The following GPR26 variants were observed in gnomAD, a reference collection of about 807,000 sequenced individuals.
GPR26 encodes the protein G protein-coupled receptor 26.
A neutral mutation model predicts 23.1 loss-of-function variants in GPR26; 15 were observed. That is an observed-to-expected ratio of 0.65 (90% CI 0.43 to 1.00). GPR26 has a LOEUF of 1.00. Among genes scored for constraint, GPR26 ranks in the 50% least tolerant of loss-of-function variants. The pLI is 0.00. For synonymous variants in GPR26, 228 were observed against 222.1 expected (o/e 1.03, Z -0.24); for missense variants, 359 against 470.5 (o/e 0.76, Z 2.19).
chr10:123,666,812 C>T lies in GPR26; in HGVS notation c.405C>T (p.Leu135=), dbSNP rs1845189938. 1.7e-5 allele frequency: 27 copies of T among 1,608,412 alleles called. No individual in the cohort carries two copies. The highest frequency in any genetic ancestry group is 2.2e-5 in the Non-Finnish European group (26 of 1,178,158). The stretch of plus-strand genomic sequence containing the variant: ...TGGCCTACACGTGGCTGCACGCGCT[C>T]ACCTTCCCAGCCGCCGCGCTCGCCC... ...LMVAYTWLHA[L]TFPAAALALS... The change falls in exon 1 of 3, where the codon CTC becomes CTT. Residue 135 remains leucine (L), a synonymous_variant. Coordinates refer to ENST00000284674, the MANE Select transcript of GPR26 (RefSeq NM_153442.4).
In GPR26 at chr10:123,677,741, G is replaced by A. The variant is rs575116738; in HGVS notation, c.782+2810G>A. ...CTCACAGCTGGGGCTTCACGGACAA[G>A]CCTTGTGAAGTGGGCCTGGCTGTTC... is the stretch of plus-strand genomic sequence containing the variant. On this transcript the variant is annotated intron_variant, in intron 2 of 2. Coordinates refer to ENST00000284674, the MANE Select transcript of GPR26 (RefSeq NM_153442.4). 2.6e-5 allele frequency among the ~76,000 whole-genome samples: 4 copies of A among 152,336 alleles called. No individual in the cohort carries two copies. The South Asian group carries it at 8.3e-4, about 32-fold the overall frequency.
At chr10:123,670,555 G>A (rs538755851) in intron 1 of GPR26, among the ~76,000 whole-genome samples, 3 of 152,294 alleles carry the variant, frequency 2.0e-5, no homozygotes, top group African/African-American at 7.2e-5. Flanking sequence ...GGCTGGGTTC[G>A]CATTTAGAAT....
chr10:123,666,701 C>A lies in GPR26; in HGVS notation c.294C>A (p.Ala98=), dbSNP rs755322995. ...CTGCCAACTCCATGCTCAGCATGGC[C>A]GCGCTCAGCATCGACCGCTGGGTGG... ...FLAANSMLSM[A]ALSIDRWVAV... The change falls in exon 1 of 3, where the codon GCC becomes GCA. Residue 98 remains alanine (A), a synonymous_variant. Coordinates refer to ENST00000284674, the MANE Select transcript of GPR26 (RefSeq NM_153442.4). 6.3e-7 allele frequency: 1 copy of A among 1,599,444 alleles called. No individual in the cohort carries two copies. Among genetic ancestry groups the A allele is most frequent in the Admixed American group, 1.7e-5 (1 of 59,784 alleles).
chr10:123,670,897 G>C (rs957897946), intron 1 of GPR26, among the ~76,000 whole-genome samples: 1 of 152,200 alleles, frequency 6.6e-6, no homozygotes, highest in African/African-American at 2.4e-5. Flanking sequence ...CGGGGCTGTA[G>C]GTAGGCACAT....
rs911735646 is a variant in GPR26 at position 123,697,212 on chromosome 10, T to A, written c.*9052T>A. ...TCTGTGTAATCCACTTGCCAACAGCTGTTTTCTGTTGAAATGGGACTCAAG... is the reference window on the plus strand; with the variant it reads ...TCTGTGTAATCCACTTGCCAACAGCAGTTTTCTGTTGAAATGGGACTCAAG... On this transcript the variant is annotated 3_prime_UTR_variant, in exon 3 of 3. Transcript: ENST00000284674. 6.6e-6 allele frequency among the ~76,000 whole-genome samples: 1 copy of A among 152,228 alleles called. No homozygotes were observed. The highest frequency in any genetic ancestry group is 2.4e-5 in the African/African-American group (1 of 41,462).
chr10:123,667,561 C>CTGTGTGTGTGTGTGTGTG (rs71026066), intron 1 of GPR26, among the ~76,000 whole-genome samples: 1 of 124,998 alleles, frequency 8.0e-6, no homozygotes. Flanking sequence ...TGTCTCACGA[C>CTGTGTGTGTGTGTGTGTG]TGTGTGTGTG....
chr10:123,667,325 T>A (rs1428659790), intron 1 of GPR26, among the ~76,000 whole-genome samples: 2 of 152,104 alleles, frequency 1.3e-5, no homozygotes, highest in African/African-American at 4.8e-5. Flanking sequence ...TCACAGACAG[T>A]CAGAACTCTG....
rs954678881 is a variant in GPR26, at chr10:123,689,458, C to T, written c.*1298C>T. The T allele has an allele frequency of 1.3e-5, 2 of 152,196 alleles. No homozygotes were observed. The highest frequency in any genetic ancestry group is 4.8e-5 in the African/African-American group (2 of 41,438). The allele number at this position is 152,196 out of a possible 1,614,324, so 9.4% of individuals were successfully genotyped here. A position where few individuals can be genotyped will look rare whatever the true frequency, so the allele number is the denominator to read the frequency against. On this transcript the variant is annotated 3_prime_UTR_variant, in exon 3 of 3. Coordinates refer to ENST00000284674, the MANE Select transcript of GPR26 (RefSeq NM_153442.4). ...TAATAAAAACCAAGGAGAGCCACCC[C>T]TGCTTTCTGGCCATCTCTTCTTTGT... is the stretch of plus-strand genomic sequence containing the variant.
At chr10:123,677,198 A>C (rs1174322046) in intron 2 of GPR26, among the ~76,000 whole-genome samples, 1 of 152,110 alleles carries the variant, frequency 6.6e-6, no homozygotes, top group East Asian at 1.9e-4. Flanking sequence ...AAAAAATTAC[A>C]GCTAGGTTCT....
At chr10:123,675,005 G>T in intron 2 of GPR26, 74 bp downstream of exon 2, 2 of 853,284 alleles carry the variant, frequency 2.3e-6, no homozygotes, top group Non-Finnish European at 3.9e-6. Context: ...AGCAGTGGCA[G>T]CCTCTCTTGG....
In GPR26 at chr10:123,689,653, T is replaced by C. The variant is rs753450925; in HGVS notation, c.*1493T>C. The C allele has an allele frequency of 3.9e-5, 6 of 152,210 alleles. No homozygotes were observed. Among genetic ancestry groups the C allele is most frequent in the Non-Finnish European group, 8.8e-5 (6 of 68,024 alleles). The allele number at this position is 152,210 out of a possible 1,614,324, so 9.4% of individuals were successfully genotyped here. On this transcript the variant is annotated 3_prime_UTR_variant, in exon 3 of 3. Transcript: ENST00000284674. ...TGGAGGTATAGAAGGAAGGATGTGG[T>C]CCAACGGGAAGGAAGTGAAGAGTCT...
At chr10:123,667,933 G>A (rs1845206594) in intron 1 of GPR26, among the ~76,000 whole-genome samples, 1 of 152,182 alleles carries the variant, frequency 6.6e-6, no homozygotes, top group Non-Finnish European at 1.5e-5. Context: ...TTCCCCAGGA[G>A]AATAGGAAAT....
intron 2 of GPR26, among the ~76,000 whole-genome samples, chr10:123,678,770 G>A (rs919359006): frequency 1.7e-4 from 26 of 152,190 alleles, no homozygotes; most frequent in Admixed American, 1.4e-3. Flanking sequence ...GCATGGGTGC[G>A]GCCAGGACCC....
At chr10:123,684,348 G>C (rs775046349) in intron 2 of GPR26, among the ~76,000 whole-genome samples, 31 of 152,132 alleles carry the variant, frequency 2.0e-4, no homozygotes, top group Non-Finnish European at 3.7e-4. Context: ...TCTAGGAGTG[G>C]GGTGGGGCTG....
At position 123,693,790 on chromosome 10, in the gene GPR26, T is replaced by C. The variant is rs1845514497; in HGVS notation, c.*5630T>C. 1 of 152,148 alleles carries C rather than the reference T, an allele frequency of 6.6e-6. No individual in the cohort carries two copies. The highest frequency in any genetic ancestry group is 1.5e-5 in the Non-Finnish European group (1 of 68,052). The allele number at this position is 152,148 out of a possible 1,614,324, so 9.4% of individuals were successfully genotyped here. A position where few individuals can be genotyped will look rare whatever the true frequency, so the allele number is the denominator to read the frequency against. ...CAGACACATTTGGGGGTTGACTGTC[T>C]AGAAAGGAGGAATCAGAGGTCCCAA... On this transcript the variant is annotated 3_prime_UTR_variant, in exon 3 of 3. Coordinates refer to ENST00000284674, the MANE Select transcript of GPR26 (RefSeq NM_153442.4).
intron 2 of GPR26, among the ~76,000 whole-genome samples, chr10:123,680,785 G>T (rs541448368): frequency 7.6e-6 from 1 of 132,136 alleles, no homozygotes; most frequent in Non-Finnish European, 1.5e-5. Context: ...TCTGCACCTA[G>T]TTAACATTCT....
At chr10:123,680,674 C>G (rs892302147) in intron 2 of GPR26, among the ~76,000 whole-genome samples, 1 of 152,184 alleles carries the variant, frequency 6.6e-6, no homozygotes, top group African/African-American at 2.4e-5. Context: ...AAAGTAAGGA[C>G]AAGCTCTATC....
At position 123,674,375 on chromosome 10, in the gene GPR26, G is replaced by C. The variant is rs1390511900; in HGVS notation, c.669-443G>C. 6.6e-6 allele frequency among the ~76,000 whole-genome samples: 1 copy of C among 152,174 alleles called. No homozygotes were observed. Among genetic ancestry groups the C allele is most frequent in the South Asian group, 2.1e-4 (1 of 4,828 alleles). On this transcript the variant is annotated intron_variant, in intron 1 of 2. Transcript: ENST00000284674. This position sits in a 1 kb window ranked among gnomAD's most constrained non-coding sequence, Gnocchi z 4.1. ...AATCTGAGATACTACTTAGAGAGTGGGGCACTCTGGAGCCAGCCCATAGCA... is the reference window on the plus strand; with the variant it reads ...AATCTGAGATACTACTTAGAGAGTGCGGCACTCTGGAGCCAGCCCATAGCA...
intron 1 of GPR26, among the ~76,000 whole-genome samples, chr10:123,668,805 C>T (rs944107095): frequency 6.6e-6 from 1 of 152,200 alleles, no homozygotes; most frequent in Non-Finnish European, 1.5e-5. Context: ...ATGAGTCTAA[C>T]AGCGGAGGAG....
Sources: allele counts gnomAD v4.1 joint callset (sites outside exome capture counted in the v4.1 genomes callset), GRCh38; gene constraint gnomAD v4.1.1; non-coding constraint Gnocchi (gnomAD v3.1); transcripts MANE v1.5; gene names NCBI Gene and HGNC (gene_info 2026-07-23, HGNC 2026-07-21).